The following SENP6 variants were observed in gnomAD, a reference collection of about 807,000 sequenced individuals.
The protein encoded by SENP6 is SUMO specific peptidase 6, also known as sentrin-specific protease 6.
Under a neutral mutation model 134.5 loss-of-function variants are expected in SENP6, and 41 were observed. The ratio of observed to expected loss-of-function variants is 0.30; its 90% CI spans 0.24 to 0.40. SENP6 has a LOEUF of 0.40. Among genes scored for constraint, SENP6 ranks in the 10% least tolerant of loss-of-function variants. The pLI is 1.00. For missense variants in SENP6, 1,248 were observed against 1,312.5 expected (o/e 0.95, Z 0.76); for synonymous variants, 395 against 429.8 (o/e 0.92, Z 1.00).
At chr6:75,677,892 G>A (rs1773203911) in intron 14 of SENP6, 1 of 152,184 alleles carries the variant, frequency 6.6e-6, no homozygotes, top group Non-Finnish European at 1.5e-5. Context: ...AATTTATTGG[G>A]AACAGATCTC....
chr6:75,689,868 A>C (rs1413697709), intron 16 of SENP6, among the ~76,000 whole-genome samples: 1 of 152,210 alleles, frequency 6.6e-6, no homozygotes, highest in Non-Finnish European at 1.5e-5. Context: ...TTCTCAGAAC[A>C]TAACCCCATT....
chr6:75,658,973 CCAA>C (rs374711561), intron 7 of SENP6, among the ~76,000 whole-genome samples: 2 of 28,538 alleles, frequency 7.0e-5, no homozygotes, highest in Non-Finnish European at 7.5e-5. Flanking sequence ...CCTTGTCTCC[CCAA>C]AAAAAAAAAA....
chr6:75,636,594 ATG>A (rs1291845555), intron 5 of SENP6, among the ~76,000 whole-genome samples: 4 of 152,218 alleles, frequency 2.6e-5, no homozygotes, highest in African/African-American at 9.6e-5. Flanking sequence ...AAATGATTAC[ATG>A]CATGGTTAGG....
At chr6:75,704,602 A>G (rs925875053) in intron 19 of SENP6, among the ~76,000 whole-genome samples, 4 of 152,174 alleles carry the variant, frequency 2.6e-5, no homozygotes, top group African/African-American at 9.7e-5. Context: ...GCCTTCCTCT[A>G]TCTCAACTGC....
chr6:75,668,363 G>A (rs1241785562), intron 10 of SENP6, among the ~76,000 whole-genome samples: 1 of 152,122 alleles, frequency 6.6e-6, no homozygotes, highest in Non-Finnish European at 1.5e-5. Context: ...AATTTGATAG[G>A]TAGATGCAAA....
At chr6:75,651,987 G>A (rs1013200578) in intron 7 of SENP6, among the ~76,000 whole-genome samples, 1 of 151,774 alleles carries the variant, frequency 6.6e-6, no homozygotes, top group African/African-American at 2.4e-5. Flanking sequence ...ACCAGCCTGG[G>A]CAACATGGTG....
At chr6:75,647,911 A>G (rs568291529) in intron 7 of SENP6, 110 bp downstream of exon 7, 3 of 735,242 alleles carry the variant, frequency 4.1e-6, no homozygotes, top group African/African-American at 3.7e-5. Context: ...ATAGATATAT[A>G]TGTAGAAAAC....
chr6:75,638,612 ATATATATATATTTTTTTTTTTTT>A (rs1242139891), intron 5 of SENP6, among the ~76,000 whole-genome samples: 2 of 38,564 alleles, frequency 5.2e-5, no homozygotes, highest in Non-Finnish European at 8.9e-5. Context: ...ATATATATAT[ATATATATATATTTTTTTTTTTTT>A]TTTTTTTTTT....
chr6:75,642,760 A>G (rs917354181), intron 6 of SENP6, among the ~76,000 whole-genome samples: 1 of 152,236 alleles, frequency 6.6e-6, no homozygotes, highest in Non-Finnish European at 1.5e-5. Flanking sequence ...TGTGATTTAT[A>G]ATTTGGCATA....
In SENP6 at chr6:75,601,896, G is replaced by A. The variant is rs538401494; in HGVS notation, c.-629G>A. 23 of 152,376 alleles carry A rather than the reference G, an allele frequency of 1.5e-4. No individual in the cohort carries two copies. Among genetic ancestry groups the A allele is most frequent in the African/African-American group, 4.8e-4 (20 of 41,558 alleles). 9.4% of individuals were successfully genotyped at this position (152,376 alleles called of 1,614,324 possible). A position where few individuals can be genotyped will look rare whatever the true frequency, so the allele number is the denominator to read the frequency against. ...AGGAGCGGCAGCGGCGGCGGCTGGA[G>A]CTGCTGTGGCGACCGACGCGAGGCG... On this transcript the variant is annotated 5_prime_UTR_variant, in exon 1 of 24. Coordinates refer to ENST00000447266, the MANE Select transcript of SENP6 (RefSeq NM_015571.4).
chr6:75,701,497 T>C (rs181053476), intron 18 of SENP6, among the ~76,000 whole-genome samples: 168 of 152,322 alleles, frequency 1.1e-3, no homozygotes, highest in African/African-American at 3.8e-3. Flanking sequence ...ACATTACTTA[T>C]ATACATATTT....
rs190741882 is a variant in SENP6 at position 75,671,598 on chromosome 6, T to C, written c.1392+878T>C. On this transcript the variant is annotated intron_variant, in intron 11 of 23. Transcript: ENST00000447266. ...TTAGCCGGGGGCAGTGGCATGTGCC[T>C]GTAGTCCCAGCTGCTCGGGAGGCTG... Among the ~76,000 whole-genome samples the C allele has an allele frequency of 4.5e-3, 692 of 152,294 alleles. 5 individuals carry two copies. The highest frequency in any genetic ancestry group is 7.8e-3 in the Non-Finnish European group (533 of 68,022).
intron 21 of SENP6, 51 bp from the exon 22 acceptor site, chr6:75,713,462 G>A (rs1452030592): frequency 1.5e-6 from 2 of 1,377,140 alleles, no homozygotes; most frequent in Non-Finnish European, 2.0e-6. Flanking sequence ...ATCCTTTTAT[G>A]CATTTGTAAT....
chr6:75,624,794 A>G (rs923084523), intron 3 of SENP6, among the ~76,000 whole-genome samples: 1 of 152,150 alleles, frequency 6.6e-6, no homozygotes, highest in Non-Finnish European at 1.5e-5. Context: ...TTTGAAATCT[A>G]GATGCATCTT....
At chr6:75,661,684 G>A (rs1291727757) in intron 8 of SENP6, among the ~76,000 whole-genome samples, 1 of 152,168 alleles carries the variant, frequency 6.6e-6, no homozygotes, top group Non-Finnish European at 1.5e-5. Flanking sequence ...TTAATTCCTA[G>A]ACAAGGTTAG....
chr6:75,678,141 C>A (rs1487474192), intron 14 of SENP6: 1 of 154,984 alleles, frequency 6.5e-6, no homozygotes, highest in African/African-American at 2.4e-5. Flanking sequence ...AAGGTTCTTT[C>A]CTCCAAGGAA....
chr6:75,607,855 G>A (rs1010209987), intron 1 of SENP6, among the ~76,000 whole-genome samples: 3 of 152,116 alleles, frequency 2.0e-5, no homozygotes, highest in Non-Finnish European at 2.9e-5. Flanking sequence ...AACCCAATCA[G>A]TTTGCCAGTT....
intron 7 of SENP6, among the ~76,000 whole-genome samples, chr6:75,655,667 A>T (rs535693403): frequency 6.6e-6 from 1 of 152,256 alleles, no homozygotes; most frequent in Non-Finnish European, 1.5e-5. Flanking sequence ...TTGTATGAGT[A>T]TAACAAGTTA....
In SENP6 at chr6:75,711,310, G is replaced by T; in HGVS notation, c.2821-18G>T. 1 of 1,579,462 alleles carries T rather than the reference G, an allele frequency of 6.3e-7. No homozygotes were observed. On this transcript the variant is annotated intron_variant, in intron 20 of 23. Transcript: ENST00000447266. ...AGATTATATATTTTCAGTATTAACA[G>T]TAGGCTGTCTTTTATAGGATGATAG...
Sources: gnomAD v4.1 joint callset for allele counts (sites outside exome capture counted in the v4.1 genomes callset) on GRCh38, gnomAD v4.1.1 for gene constraint, MANE v1.5 for transcripts, NCBI Gene and HGNC (gene_info 2026-07-23, HGNC 2026-07-21) for gene names.